The following ADGRB3 variants were observed in gnomAD, a reference collection of about 807,000 sequenced individuals.
ADGRB3 encodes the protein brain-specific angiogenesis inhibitor 3.
A neutral mutation model predicts 193.4 loss-of-function variants in ADGRB3; 37 were observed. The observed-to-expected ratio is 0.19, with a 90% confidence interval of 0.15 to 0.25. ADGRB3 has a LOEUF of 0.25. ADGRB3 is among the 10% of genes least tolerant of loss of function. The probability of loss-of-function intolerance (pLI) is 1.00; values close to 1 mark genes in which losing one functional copy is unlikely to be tolerated. For synonymous variants in ADGRB3, 690 were observed against 644.2 expected, an observed-to-expected ratio of 1.07 and a Z score of -1.08; for missense variants, 1,637 against 1,852.9, an observed-to-expected ratio of 0.88 and a Z score of 2.14.
chr6:68,907,770 CT>C (rs1326289747), intron 3 of ADGRB3, among the ~76,000 whole-genome samples: 1 of 151,730 alleles, frequency 6.6e-6, no homozygotes, highest in Non-Finnish European at 1.5e-5. Context: ...GTTATTTTGC[CT>C]TATGGTTATT....
chr6:68,636,638 A>G (rs1049482207), intron 1 of ADGRB3, among the ~76,000 whole-genome samples: 4 of 151,942 alleles, frequency 2.6e-5, no homozygotes, highest in African/African-American at 9.7e-5. Context: ...TGTACTCCAG[A>G]CTGATTAAAA....
chr6:69,313,911 G>A (rs1768254380), intron 20 of ADGRB3, among the ~76,000 whole-genome samples: 3 of 151,622 alleles, frequency 2.0e-5, no homozygotes, highest in Admixed American at 6.6e-5. Context: ...CTTTACTCTG[G>A]TCTCTCCAGA....
At chr6:68,749,553 G>C (rs1178281611) in intron 3 of ADGRB3, among the ~76,000 whole-genome samples, 1 of 151,684 alleles carries the variant, frequency 6.6e-6, no homozygotes, top group Non-Finnish European at 1.5e-5. Context: ...GAATAAAAAT[G>C]GTTTCAAATA....
intron 15 of ADGRB3, among the ~76,000 whole-genome samples, chr6:69,060,206 G>T (rs907714393): frequency 0.014 from 936 of 69,312 alleles, no homozygotes; most frequent in Non-Finnish European, 0.017. Flanking sequence ...CTCTTTCTCT[G>T]TCTCTCTCTC....
intron 20 of ADGRB3, among the ~76,000 whole-genome samples, chr6:69,273,160 C>A (rs944033939): frequency 1.3e-5 from 2 of 152,172 alleles, no homozygotes; most frequent in Non-Finnish European, 2.9e-5. Context: ...CTTGGCCTCC[C>A]AAAGTGCTGG....
At chr6:68,922,710 C>T (rs1030291041) in intron 3 of ADGRB3, among the ~76,000 whole-genome samples, 3 of 152,156 alleles carry the variant, frequency 2.0e-5, no homozygotes, top group East Asian at 1.9e-4. Context: ...GAATTTAAGG[C>T]GTGATGCCCT....
intron 16 of ADGRB3, among the ~76,000 whole-genome samples, chr6:69,069,731 T>TAAAAA (rs754345752): frequency 2.8e-5 from 3 of 108,228 alleles, no homozygotes; most frequent in Admixed American, 2.1e-4. Flanking sequence ...ACTCTCTCAT[T>TAAAAA]AAAAAAAAAA....
intron 3 of ADGRB3, among the ~76,000 whole-genome samples, chr6:68,765,445 CTGTTCTTTA>C (rs1480374572): frequency 6.6e-6 from 1 of 151,704 alleles, no homozygotes; most frequent in Non-Finnish European, 1.5e-5. Flanking sequence ...ATCGCATTTT[CTGTTCTTTA>C]TGTGATGAAA....
chr6:69,207,281 G>T (rs3939086), intron 17 of ADGRB3, among the ~76,000 whole-genome samples: 1 of 152,178 alleles, frequency 6.6e-6, no homozygotes, highest in African/African-American at 2.4e-5. Flanking sequence ...ATGGTGAGTG[G>T]TGCCACTTCC....
intron 26 of ADGRB3, among the ~76,000 whole-genome samples, chr6:69,345,079 G>A (rs892699615): frequency 6.6e-6 from 1 of 152,036 alleles, no homozygotes; most frequent in Admixed American, 6.6e-5. Context: ...CATTGACTAA[G>A]TGATGTTTTG....
chr6:69,359,938 T>C (rs530555533), intron 28 of ADGRB3, among the ~76,000 whole-genome samples: 2 of 152,036 alleles, frequency 1.3e-5, no homozygotes, highest in African/African-American at 4.8e-5. Flanking sequence ...TGTGTTATTC[T>C]GCCCTATTAT....
At position 68,637,524 on chromosome 6, in the gene ADGRB3, A is replaced by G. The variant is rs909426257; in HGVS notation, c.-54A>G. 1.3e-5 allele frequency: 2 copies of G among 152,698 alleles called. No homozygotes were observed. Among genetic ancestry groups the G allele is most frequent in the Non-Finnish European group, 2.9e-5 (2 of 68,048 alleles). The allele number at this position is 152,698 out of a possible 1,614,324, so 9.5% of individuals were successfully genotyped here. On this transcript the variant is annotated 5_prime_UTR_variant, in exon 2 of 32. Coordinates refer to ENST00000370598, the MANE Select transcript of ADGRB3 (RefSeq NM_001704.3). ...AATAACTTCTTAAAGGTTAAAGCTG[A>G]AAAATATTCAAGTTATTTTTGGATA...
chr6:69,040,989 GA>G (rs1157754885), intron 13 of ADGRB3, among the ~76,000 whole-genome samples: 2 of 152,156 alleles, frequency 1.3e-5, no homozygotes, highest in African/African-American at 4.8e-5. Context: ...AGCTCTGTGT[GA>G]GGATACTTCT....
intron 17 of ADGRB3, among the ~76,000 whole-genome samples, chr6:69,173,060 C>T (rs184065423): frequency 1.1e-4 from 16 of 150,364 alleles, no homozygotes; most frequent in Admixed American, 3.3e-4. Context: ...TGTTTTGAGA[C>T]GAAGTCTCAC....
intron 3 of ADGRB3, among the ~76,000 whole-genome samples, chr6:68,827,893 C>T (rs921254293): frequency 6.6e-6 from 1 of 152,154 alleles, no homozygotes; most frequent in Non-Finnish European, 1.5e-5. Flanking sequence ...CTCTTACACT[C>T]GTGTCCAATG....
intron 14 of ADGRB3, among the ~76,000 whole-genome samples, chr6:69,048,552 G>T (rs995524840): frequency 6.6e-6 from 1 of 152,036 alleles, no homozygotes; most frequent in East Asian, 1.9e-4. Context: ...AAATATACAA[G>T]TGCAAATTAT....
intron 3 of ADGRB3, among the ~76,000 whole-genome samples, chr6:68,905,766 T>C (rs1357818270): frequency 4.6e-5 from 7 of 152,148 alleles, no homozygotes; most frequent in Admixed American, 4.6e-4. Context: ...GTTAAAAAGT[T>C]CCCAAATATT....
chr6:69,385,929 C>A (rs1582671570), intron 31 of ADGRB3, among the ~76,000 whole-genome samples: 1 of 152,020 alleles, frequency 6.6e-6, no homozygotes, highest in African/African-American at 2.4e-5. Context: ...ACAACAAAGT[C>A]TCTCCCTACT....
At chr6:68,907,158 T>A (rs1480185348) in intron 3 of ADGRB3, among the ~76,000 whole-genome samples, 1 of 151,988 alleles carries the variant, frequency 6.6e-6, no homozygotes, top group Non-Finnish European at 1.5e-5. Context: ...TATTTATTTT[T>A]AAATTCACTG....
Sources: gnomAD v4.1 joint callset for allele counts (sites outside exome capture counted in the v4.1 genomes callset) on GRCh38, gnomAD v4.1.1 for gene constraint, MANE v1.5 for transcripts, NCBI Gene and HGNC (gene_info 2026-07-23, HGNC 2026-07-21) for gene names.